OVCH1: variants seen among roughly 807,000 people sequenced by gnomAD.
OVCH1 encodes the protein ovochymase-1.
OVCH1 carries 139 observed loss-of-function variants against 138.4 expected under a neutral mutation model. The ratio of observed to expected loss-of-function variants is 1.00; its 90% CI spans 0.87 to 1.16. The LOEUF (loss-of-function observed/expected upper bound fraction) is 1.16. Ranked by LOEUF, OVCH1 falls within the 50% of genes most tolerant of loss-of-function variation. The pLI, the probability that OVCH1 is intolerant of heterozygous loss-of-function variation, is 0.00. For synonymous variants in OVCH1, 453 were observed against 467.8 expected, an observed-to-expected ratio of 0.97 and a Z score of 0.41; for missense variants, 1,367 against 1,357.9, an observed-to-expected ratio of 1.01 and a Z score of -0.11.
At position 29,473,948 on chromosome 12, in the gene OVCH1, A is replaced by T. The variant is rs547027056; in HGVS notation, c.1601-845T>A. ...CCATGCTGGATGCTTCCTGCCCTAG[A>T]ACACTGGACTCCAAGTTCTTCAGTT... On this transcript the variant is annotated intron_variant, in intron 14 of 27. Transcript: ENST00000318184. Among the ~76,000 whole-genome samples the T allele has an allele frequency of 3.3e-5, 5 of 152,150 alleles. No individual in the cohort carries two copies. The South Asian group carries it at 1.0e-3, about 32-fold the overall frequency.
At chr12:29,412,881 G>T (rs1436320) in intron 3 of OVCH1, among the ~76,000 whole-genome samples, 85,724 of 152,032 alleles carry the variant, frequency 0.56, 26,238 homozygotes, top group Middle Eastern at 0.78. Flanking sequence ...AAAGTCTCAC[G>T]CTGTCATCCA....
chr12:29,425,691 G>A (rs967148363), downstream of OVCH1, among the ~76,000 whole-genome samples: 7 of 152,148 alleles, frequency 4.6e-5, no homozygotes, highest in Non-Finnish European at 1.0e-4. Context: ...ACATAAGATT[G>A]TTAAAAGATT....
intron 27 of OVCH1, among the ~76,000 whole-genome samples, chr12:29,428,874 A>ATGAG (rs1466501312): frequency 6.6e-6 from 1 of 152,262 alleles, no homozygotes; most frequent in African/African-American, 2.4e-5. Context: ...GTTTCCCTCT[A>ATGAG]TGAGTCAGTC....
intron 27 of OVCH1, among the ~76,000 whole-genome samples, chr12:29,428,628 C>A (rs1941217944): frequency 6.6e-6 from 1 of 152,118 alleles, no homozygotes; most frequent in South Asian, 2.1e-4. Context: ...TAATAAGAGC[C>A]ATACTTACTG....
At chr12:29,488,620 CAAAAA>C (rs67595567) in intron 6 of OVCH1, among the ~76,000 whole-genome samples, 3 of 61,750 alleles carry the variant, frequency 4.9e-5, no homozygotes, top group African/African-American at 1.4e-4. Context: ...GACTCCATCT[CAAAAA>C]AAAAAAAAAA....
the OVCH1 span, among the ~76,000 whole-genome samples, chr12:29,405,250 A>G: frequency 1.3e-5 from 2 of 152,082 alleles, no homozygotes; most frequent in African/African-American, 2.4e-5. Context: ...TAAAACTACC[A>G]TGCATCTATA....
chr12:29,487,042 C>T (rs905177724), intron 7 of OVCH1: 5 of 396,034 alleles, frequency 1.3e-5, no homozygotes, highest in Non-Finnish European at 2.6e-5. Flanking sequence ...TCTAAAAGCC[C>T]TGTCAGGTGG....
intron 4 of OVCH1, chr12:29,412,583 A>G (rs1565559603): frequency 1.3e-5 from 2 of 152,186 alleles, no homozygotes; most frequent in African/African-American, 2.4e-5. Flanking sequence ...GATGTCACAT[A>G]TATTTGTTTG....
chr12:29,495,184 T>C lies in OVCH1; in HGVS notation c.454+101A>G. On this transcript the variant is annotated intron_variant, in intron 4 of 27. Coordinates refer to ENST00000318184, the Ensembl canonical transcript of OVCH1. The stretch of plus-strand genomic sequence containing the variant: ...ATTTTAAAAAGAAACAAAGCTTAGC[T>C]ATTCTATTACTAGACAGCCACACAG... 3 of 1,132,472 alleles carry C rather than the reference T, an allele frequency of 2.6e-6. No individual in the cohort carries two copies. In the South Asian group the frequency reaches 4.8e-5, roughly 18 times the overall value. 70.2% of individuals were successfully genotyped at this position (1,132,472 alleles called of 1,614,324 possible). A position where few individuals can be genotyped will look rare whatever the true frequency, so the allele number is the denominator to read the frequency against.
At chr12:29,409,177 C>T (rs974850482), downstream of OVCH1, among the ~76,000 whole-genome samples, 32 of 151,966 alleles carry the variant, frequency 2.1e-4, no homozygotes, top group Non-Finnish European at 2.8e-4. Context: ...TTTTTTATTG[C>T]GTCTATTTGA....
intron 7 of OVCH1, chr12:29,487,141 T>C (rs1943133872): frequency 4.3e-6 from 1 of 234,324 alleles, no homozygotes; most frequent in African/African-American, 2.3e-5. Flanking sequence ...AAAAAATGTG[T>C]GGTTTCTGCA....
At position 29,477,702 on chromosome 12, in the gene OVCH1, A is replaced by C. The variant is rs371915551; in HGVS notation, c.1070-124T>G. 23 of 1,120,802 alleles carry C rather than the reference A, an allele frequency of 2.1e-5. No individual in the cohort carries two copies. The South Asian group carries it at 3.1e-4, about 15-fold the overall frequency. The allele number at this position is 1,120,802 out of a possible 1,614,324, so 69.4% of individuals were successfully genotyped here. A position where few individuals can be genotyped will look rare whatever the true frequency, so the allele number is the denominator to read the frequency against. ...CATGTCCAAATTCTACTTATTCTTCAGGGCCTAACTCAAAATTCAGCTCTC... is the reference window on the plus strand; with the variant it reads ...CATGTCCAAATTCTACTTATTCTTCCGGGCCTAACTCAAAATTCAGCTCTC... On this transcript the variant is annotated intron_variant, in intron 9 of 27. Coordinates refer to ENST00000318184, the Ensembl canonical transcript of OVCH1.
At chr12:29,489,851 A>G in intron 5 of OVCH1, 80 bp from the exon 6 acceptor site, 1 of 1,415,676 alleles carries the variant, frequency 7.1e-7, no homozygotes, top group Non-Finnish European at 9.7e-7. Flanking sequence ...GTTTGGAACT[A>G]TTTCAAACAG....
At chr12:29,497,439 G>C (rs2136105680) in intron 1 of OVCH1, among the ~76,000 whole-genome samples, 184 bp downstream of exon 1, 1 of 152,224 alleles carries the variant, frequency 6.6e-6, no homozygotes, top group Admixed American at 6.5e-5. Context: ...TTTCAAAAAG[G>C]CAGTCTGGCC....
At chr12:29,408,117 T>C (rs1326383299), downstream of OVCH1, among the ~76,000 whole-genome samples, 3 of 133,990 alleles carry the variant, frequency 2.2e-5, no homozygotes, top group African/African-American at 7.5e-5. Flanking sequence ...TTGTCTGTTA[T>C]TGGTGTATAA....
At chr12:29,443,231 T>A (rs1161736976) in intron 25 of OVCH1, 130 bp downstream of exon 25, 7 of 880,142 alleles carry the variant, frequency 8.0e-6, no homozygotes, top group Non-Finnish European at 1.1e-5. Flanking sequence ...TAACAGTAAG[T>A]CTATTTCAAC....
chr12:29,492,081 G>A (rs1243401560), intron 4 of OVCH1, among the ~76,000 whole-genome samples: 2 of 152,120 alleles, frequency 1.3e-5, no homozygotes, highest in African/African-American at 4.8e-5. Flanking sequence ...AAAATAATAG[G>A]ATAAAGGAGA....
chr12:29,429,200 G>T (rs1221158640), intron 27 of OVCH1, among the ~76,000 whole-genome samples: 2 of 152,092 alleles, frequency 1.3e-5, no homozygotes, highest in Non-Finnish European at 1.5e-5. Context: ...TTTCAAAAAA[G>T]TTACCATCTA....
chr12:29,477,910 G>A (rs1195269357), intron 9 of OVCH1, among the ~76,000 whole-genome samples: 1 of 152,188 alleles, frequency 6.6e-6, no homozygotes, highest in African/African-American at 2.4e-5. Context: ...GATATATACA[G>A]TTAATTTTTA....
Sources: gnomAD v4.1 joint callset for allele counts (sites outside exome capture counted in the v4.1 genomes callset) on GRCh38, gnomAD v4.1.1 for gene constraint, MANE v1.5 for transcripts, NCBI Gene and HGNC (gene_info 2026-07-23, HGNC 2026-07-21) for gene names.